TNFRSF10C: variants seen among roughly 807,000 people sequenced by gnomAD.
TNFRSF10C encodes tumor necrosis factor receptor superfamily member 10C.
Under a neutral mutation model 16.7 loss-of-function variants are expected in TNFRSF10C, and 17 were observed. The ratio of observed to expected loss-of-function variants is 1.02; its 90% confidence interval spans 0.70 to 1.53. TNFRSF10C has a LOEUF of 1.53. TNFRSF10C is among the 40% of genes most tolerant of loss of function. The pLI is 0.00. For missense variants in TNFRSF10C, 237 were observed against 329.7 expected, an observed-to-expected ratio of 0.72 and a Z score of 2.18; for synonymous variants, 73 against 119.7, an observed-to-expected ratio of 0.61 and a Z score of 2.55.
rs1747901220 is a variant in TNFRSF10C, at chr8:23,116,685, A to G, written c.434A>G (p.Asp145Gly). The change falls in exon 5 of 5, where the codon GAT becomes GGT. Residue 145 changes from aspartate to glycine, a missense_variant. This residue lies in a region of TNFRSF10C where 212 missense variants were observed against 196.8 expected (regional missense o/e 1.08). Coordinates refer to ENST00000356864, the MANE Select transcript of TNFRSF10C (RefSeq NM_003841.5). ...EVQVSNCTSW[D>G]DIQCVEEFGA... ...CAAGTCAGTAATTGTACGTCCTGGG[A>G]TGATATCCAGTGTGTTGAAGAATTT... 1.2e-6 allele frequency: 2 copies of G among 1,613,906 alleles called. No homozygotes were observed. The highest frequency in any genetic ancestry group is 1.7e-6 in the Non-Finnish European group (2 of 1,180,050).
Position 23,105,034 on chromosome 8 carries a change from G to A in TNFRSF10C, c.60+1853G>A, listed in dbSNP as rs145913186. On this transcript the variant is annotated intron_variant, in intron 1 of 4. Coordinates refer to ENST00000356864, the MANE Select transcript of TNFRSF10C (RefSeq NM_003841.5). ...CAGGTCCTGGCTCTGTCAATGCTGG[G>A]CTGGTCCAATCTGTGCGCCAGGTCC... Among the ~76,000 whole-genome samples the A allele has an allele frequency of 3.1e-3, 476 of 152,288 alleles. 3 individuals are homozygous for A. The highest frequency in any genetic ancestry group is 0.01 in the Middle Eastern group (3 of 294).
At position 23,117,338 on chromosome 8, in the gene TNFRSF10C, C is replaced by A. The variant is rs534072247; in HGVS notation, c.*307C>A. ...GGGCAGGGCCAGTTCCTCCCATCTT[C>A]AGGCCCAGCCAGGCAGGGGGCAGTC... On this transcript the variant is annotated 3_prime_UTR_variant, in exon 5 of 5. Transcript: ENST00000356864. 15 of 471,410 alleles carry A rather than the reference C, an allele frequency of 3.2e-5. No individual in the cohort carries two copies. The highest frequency in any genetic ancestry group is 5.7e-5 in the Non-Finnish European group (15 of 264,266). The allele number at this position is 471,410 out of a possible 1,614,324, so 29.2% of individuals were successfully genotyped here. A position where few individuals can be genotyped will look rare whatever the true frequency, so the allele number is the denominator to read the frequency against.
In TNFRSF10C at chr8:23,117,272, C is replaced by A; in HGVS notation, c.*241C>A. Reference sequence around the variant, plus strand: ...GACCCTGGTCTCATCAGTCCCTCTCCTGGAGCTGGGGGTCCACACATCTCC... The same window carrying A: ...GACCCTGGTCTCATCAGTCCCTCTCATGGAGCTGGGGGTCCACACATCTCC... On this transcript the variant is annotated 3_prime_UTR_variant, in exon 5 of 5. Transcript: ENST00000356864. The A allele has an allele frequency of 1.6e-6, 1 of 615,720 alleles. No individual in the cohort carries two copies. Among genetic ancestry groups the A allele is most frequent in the South Asian group, 2.2e-5 (1 of 45,656 alleles). The allele number at this position is 615,720 out of a possible 1,614,324, so 38.1% of individuals were successfully genotyped here.
chr8:23,114,863 C>G lies in TNFRSF10C; in HGVS notation c.280+93C>G. On this transcript the variant is annotated intron_variant, in intron 3 of 4. Coordinates refer to ENST00000356864, the MANE Select transcript of TNFRSF10C (RefSeq NM_003841.5). ...TATGAGTCAGGGAACCAAGTTCCAG[C>G]CCAACCTGGTCTTCATCACCCTGTT... 3 of 1,006,024 alleles carry G rather than the reference C, an allele frequency of 3.0e-6. No homozygotes were observed. In the Admixed American group the frequency reaches 5.4e-5, roughly 18 times the overall value. 62.3% of individuals were successfully genotyped at this position (1,006,024 alleles called of 1,614,324 possible).
chr8:23,116,620 T>C, intron 4 of TNFRSF10C, 21 bp from the exon 5 acceptor site: 1 of 1,605,638 alleles, frequency 6.2e-7, no homozygotes. Context: ...AGTCCTCACC[T>C]CCCTCTCTGT....
chr8:23,106,864 G>A (rs1813787757), intron 1 of TNFRSF10C, among the ~76,000 whole-genome samples: 1 of 151,788 alleles, frequency 6.6e-6, no homozygotes, highest in Non-Finnish European at 1.5e-5. Flanking sequence ...GCGGGTGCCT[G>A]TAGTCCCAGC....
At position 23,108,264 on chromosome 8, in the gene TNFRSF10C, G is replaced by T. The variant is rs190049388; in HGVS notation, c.61-3456G>T. On this transcript the variant is annotated intron_variant, in intron 1 of 4. Transcript: ENST00000356864. ...GTGACTTGAGAAACAGTACGCAGCC[G>T]GACCGCCTGAGTTGGGGTTTTATAG... Among the ~76,000 whole-genome samples the T allele has an allele frequency of 6.2e-4, 95 of 152,110 alleles. 1 individual carries two copies. Among genetic ancestry groups the T allele is most frequent in the African/African-American group, 2.1e-3 (89 of 41,566 alleles).
At chr8:23,111,638 G>A in intron 1 of TNFRSF10C, 82 bp from the exon 2 acceptor site, 1 of 1,074,894 alleles carries the variant, frequency 9.3e-7, no homozygotes, top group South Asian at 1.3e-5. Flanking sequence ...TTTGTCACTT[G>A]GGGTGAAGGG....
chr8:23,116,178 C>A (rs544654656), intron 4 of TNFRSF10C, among the ~76,000 whole-genome samples: 1 of 152,176 alleles, frequency 6.6e-6, no homozygotes, highest in Non-Finnish European at 1.5e-5. Context: ...CCTGTCTTTT[C>A]CCTATTTGGG....
chr8:23,102,948 C>T lies in TNFRSF10C; in HGVS notation c.-174C>T, dbSNP rs1813689850. ...CAGTGCAGCTGTGGGAACCTCTCCA[C>T]GCGCACGAACTCAGCCAACGATTTC... On this transcript the variant is annotated 5_prime_UTR_variant, in exon 1 of 5. It adds an upstream start codon to the 5' untranslated region. Transcript: ENST00000356864. The T allele has an allele frequency of 6.0e-6, 9 of 1,497,170 alleles. No homozygotes were observed. The South Asian group carries it at 7.8e-5, about 13-fold the overall frequency. The allele number at this position is 1,497,170 out of a possible 1,614,324, so 92.7% of individuals were successfully genotyped here.
chr8:23,105,040 CCAATCT>C (rs1813750209), intron 1 of TNFRSF10C, among the ~76,000 whole-genome samples: 1 of 152,180 alleles, frequency 6.6e-6, no homozygotes, highest in Non-Finnish European at 1.5e-5. Flanking sequence ...CTGGGCTGGT[CCAATCT>C]GTGCGCCAGG....
At chr8:23,105,284 C>A (rs1813755298) in intron 1 of TNFRSF10C, among the ~76,000 whole-genome samples, 2 of 152,308 alleles carry the variant, frequency 1.3e-5, no homozygotes, top group South Asian at 4.1e-4. Context: ...CCTCAGAGGG[C>A]TGTGTTACCA....
At chr8:23,115,221 G>A (rs1813957421) in intron 3 of TNFRSF10C, among the ~76,000 whole-genome samples, 1 of 152,098 alleles carries the variant, frequency 6.6e-6, no homozygotes, top group African/African-American at 2.4e-5. Flanking sequence ...TCTCTCAGGT[G>A]ATGCCCTTGC....
intron 1 of TNFRSF10C, among the ~76,000 whole-genome samples, chr8:23,106,406 C>G (rs944598839): frequency 1.3e-5 from 2 of 150,292 alleles, no homozygotes; most frequent in Non-Finnish European, 2.9e-5. Flanking sequence ...GCGAAGCTCT[C>G]CTTTAGATGC....
At chr8:23,111,123 C>A (rs1157645698) in intron 1 of TNFRSF10C, among the ~76,000 whole-genome samples, 2 of 152,072 alleles carry the variant, frequency 1.3e-5, no homozygotes, top group South Asian at 2.1e-4. Flanking sequence ...ATCAAAAAAA[C>A]AAAATAGCTC....
At chr8:23,111,223 T>C (rs1813871909) in intron 1 of TNFRSF10C, among the ~76,000 whole-genome samples, 1 of 151,962 alleles carries the variant, frequency 6.6e-6, no homozygotes, top group African/African-American at 2.4e-5. Context: ...TTTTTTCTTT[T>C]TTTTTTTTAT....
intron 1 of TNFRSF10C, among the ~76,000 whole-genome samples, chr8:23,107,185 C>CAACAAACAAAACCA (rs1424127680): frequency 1.3e-5 from 2 of 152,050 alleles, no homozygotes; most frequent in African/African-American, 4.8e-5. Flanking sequence ...ACAACAACAA[C>CAACAAACAAAACCA]AACAAAAAAC....
intron 1 of TNFRSF10C, among the ~76,000 whole-genome samples, chr8:23,109,429 A>G (rs768012028): frequency 6.6e-6 from 1 of 152,050 alleles, no homozygotes; most frequent in Non-Finnish European, 1.5e-5. Flanking sequence ...CGAGGTCAGA[A>G]AATCGAGACC....
In TNFRSF10C at chr8:23,102,966, A is replaced by G. The variant is rs1340982115; in HGVS notation, c.-156A>G. The G allele has an allele frequency of 6.6e-7, 1 of 1,518,088 alleles. No homozygotes were observed. The highest frequency in any genetic ancestry group is 8.9e-7 in the Non-Finnish European group (1 of 1,125,868). 94.0% of individuals were successfully genotyped at this position (1,518,088 alleles called of 1,614,324 possible). On this transcript the variant is annotated 5_prime_UTR_variant, in exon 1 of 5. Coordinates refer to ENST00000356864, the MANE Select transcript of TNFRSF10C (RefSeq NM_003841.5). Reference sequence around the variant, plus strand: ...CTCTCCACGCGCACGAACTCAGCCAACGATTTCTGATAGATTTTTGGGAGT... The same window carrying G: ...CTCTCCACGCGCACGAACTCAGCCAGCGATTTCTGATAGATTTTTGGGAGT...
Sources: allele counts gnomAD v4.1 joint callset (sites outside exome capture counted in the v4.1 genomes callset), GRCh38; gene constraint gnomAD v4.1.1; regional missense constraint gnomAD v4.1.1; transcripts MANE v1.5; gene names NCBI Gene and HGNC (gene_info 2026-07-23, HGNC 2026-07-21).